The following FOXN3 variants were observed in gnomAD, a reference collection of about 807,000 sequenced individuals.
The protein encoded by FOXN3 is forkhead box N3.
A neutral mutation model predicts 38.4 loss-of-function variants in FOXN3; 7 were observed. The observed-to-expected ratio is 0.18, with a 90% CI of 0.10 to 0.34. The LOEUF is 0.34. Among genes scored for constraint, FOXN3 ranks in the 10% least tolerant of loss-of-function variants. The pLI, the probability that FOXN3 is intolerant of heterozygous loss-of-function variation, is 1.00. For synonymous variants in FOXN3, 230 were observed against 242.2 expected (o/e 0.95, Z 0.47); for missense variants, 456 against 613.4 (o/e 0.74, Z 2.71).
intron 4 of FOXN3, among the ~76,000 whole-genome samples, chr14:89,227,329 A>G (rs1386420613): frequency 6.6e-6 from 1 of 152,234 alleles, no homozygotes; most frequent in South Asian, 2.1e-4. Flanking sequence ...AAACCGTAAC[A>G]CATGTTCACA....
intron 1 of FOXN3, among the ~76,000 whole-genome samples, chr14:89,549,273 T>TA (rs11307365): frequency 0.038 from 5,099 of 133,362 alleles, 276 homozygotes; most frequent in African/African-American, 0.12. Flanking sequence ...TCCTTATCTG[T>TA]AAAAAAAAAA....
At chr14:89,586,727 T>G (rs750800209) in intron 1 of FOXN3, among the ~76,000 whole-genome samples, 3 of 152,178 alleles carry the variant, frequency 2.0e-5, no homozygotes, top group Non-Finnish European at 4.4e-5. Flanking sequence ...CTGACAAACC[T>G]CAGATTCTGG....
intron 1 of FOXN3, among the ~76,000 whole-genome samples, chr14:89,490,962 A>T (rs191922773): frequency 4.3e-4 from 65 of 152,170 alleles, no homozygotes; most frequent in African/African-American, 1.5e-3. Context: ...AGTTAAGGAG[A>T]TACACTCCTA....
Position 89,542,150 on chromosome 14 carries a change from A to G in FOXN3, c.-15+76878T>C, listed in dbSNP as rs142110234. 8.9e-3 allele frequency among the ~76,000 whole-genome samples: 1,356 copies of G among 152,264 alleles called. 8 individuals carry two copies. The highest frequency in any genetic ancestry group is 0.011 in the Non-Finnish European group (716 of 68,002). Reference sequence around the variant, plus strand: ...GGAACGCATCCACCCTAAGTACAATACTTGTATATATGGGGAGATGTGCTC... The same window carrying G: ...GGAACGCATCCACCCTAAGTACAATGCTTGTATATATGGGGAGATGTGCTC... On this transcript the variant is annotated intron_variant, in intron 1 of 6. Coordinates refer to the FOXN3 transcript ENST00000345097.
chr14:89,384,870 C>A (rs1890749223), intron 2 of FOXN3, among the ~76,000 whole-genome samples: 1 of 152,174 alleles, frequency 6.6e-6, no homozygotes, highest in Non-Finnish European at 1.5e-5. Flanking sequence ...GCCTTGATGG[C>A]TCTCTGAACT....
intron 4 of FOXN3, 150 bp downstream of exon 4, chr14:89,280,800 A>AT: frequency 6.4e-6 from 4 of 622,358 alleles, no homozygotes; most frequent in Non-Finnish European, 1.1e-5. Flanking sequence ...AACTGGACAA[A>AT]TAGTCCCCAC....
rs1308354941 is a variant in FOXN3 at position 89,511,208 on chromosome 14, TTTC to T, written c.-14-98721_-14-98719del. On this transcript the variant is annotated intron_variant, in intron 1 of 6. Coordinates refer to the FOXN3 transcript ENST00000345097. ...TTCTTTCTTTTCTTTCTTTCTTTTCTTTCTTTCTTTCTTTCTTTCTTTTCTTTC... is the reference window on the plus strand; with the variant it reads ...TTCTTTCTTTTCTTTCTTTCTTTTCTTTTCTTTCTTTCTTTCTTTTCTTTC... Among the ~76,000 whole-genome samples the T allele has an allele frequency of 8.2e-4, 13 of 15,876 alleles. 3 individuals are homozygous for T. Among genetic ancestry groups the T allele is most frequent in the African/African-American group, 1.5e-3 (12 of 7,830 alleles). The allele number at this position is 15,876 out of a possible 152,430, so 10.4% of individuals were successfully genotyped here. A position where few individuals can be genotyped will look rare whatever the true frequency, so the allele number is the denominator to read the frequency against.
chr14:89,589,314 A>C (rs1006441072), intron 1 of FOXN3, among the ~76,000 whole-genome samples: 3 of 152,334 alleles, frequency 2.0e-5, no homozygotes, highest in Admixed American at 2.0e-4. Flanking sequence ...ATTTACCTAC[A>C]GGTGTGAGTC....
chr14:89,487,882 A>G (rs1316580878), intron 1 of FOXN3, among the ~76,000 whole-genome samples: 1 of 152,154 alleles, frequency 6.6e-6, no homozygotes, highest in South Asian at 2.1e-4. Context: ...CATGAAGACA[A>G]TAATAATGGC....
chr14:89,217,750 G>C (rs1303399939), intron 4 of FOXN3, among the ~76,000 whole-genome samples: 1 of 152,162 alleles, frequency 6.6e-6, no homozygotes, highest in African/African-American at 2.4e-5. Context: ...CCACCCATGG[G>C]TCCCAACAAA....
At chr14:89,330,985 C>T (rs1296934907) in intron 3 of FOXN3, among the ~76,000 whole-genome samples, 2 of 152,212 alleles carry the variant, frequency 1.3e-5, no homozygotes, top group East Asian at 1.9e-4. Flanking sequence ...AGAAATGCTA[C>T]GTTGTTCTGT....
chr14:89,252,232 G>A (rs1286217372), intron 4 of FOXN3, among the ~76,000 whole-genome samples: 1 of 152,180 alleles, frequency 6.6e-6, no homozygotes, highest in Non-Finnish European at 1.5e-5. Flanking sequence ...ATAGAGCCAA[G>A]GATTATTAAT....
At chr14:89,406,856 C>T (rs959832965) in intron 2 of FOXN3, among the ~76,000 whole-genome samples, 1 of 152,126 alleles carries the variant, frequency 6.6e-6, no homozygotes, top group African/African-American at 2.4e-5. Flanking sequence ...TTCTACTTCT[C>T]ATTTACAAGT....
chr14:89,536,961 T>G (rs574818548), intron 1 of FOXN3, among the ~76,000 whole-genome samples: 8 of 152,136 alleles, frequency 5.3e-5, no homozygotes, highest in African/African-American at 1.9e-4. Flanking sequence ...GACCCCTTGA[T>G]TATATCTTCT....
intron 4 of FOXN3, among the ~76,000 whole-genome samples, chr14:89,272,709 C>T (rs528701477): frequency 5.9e-5 from 9 of 152,194 alleles, no homozygotes; most frequent in South Asian, 2.1e-4. Context: ...AAAAATTAGC[C>T]GCGCATGGTG....
chr14:89,283,168 G>T (rs1886512367), intron 3 of FOXN3, among the ~76,000 whole-genome samples: 1 of 152,170 alleles, frequency 6.6e-6, no homozygotes, highest in Non-Finnish European at 1.5e-5. Flanking sequence ...CTTTTGGAGG[G>T]TTCCTCAAAA....
At chr14:89,598,767 T>C (rs1896105090) in intron 1 of FOXN3, among the ~76,000 whole-genome samples, 2 of 152,232 alleles carry the variant, frequency 1.3e-5, no homozygotes, top group Non-Finnish European at 2.9e-5. Flanking sequence ...AGATAAGAGG[T>C]ACCCACTCCC....
chr14:89,542,728 T>G (rs957919852), intron 1 of FOXN3, among the ~76,000 whole-genome samples: 6 of 152,354 alleles, frequency 3.9e-5, no homozygotes, highest in African/African-American at 1.4e-4. Context: ...TGCCATTTCA[T>G]TAATTGGCAT....
chr14:89,184,393 C>T (rs978803332), intron 4 of FOXN3, among the ~76,000 whole-genome samples: 1 of 152,184 alleles, frequency 6.6e-6, no homozygotes, highest in African/African-American at 2.4e-5. Context: ...AAGAAAAGCA[C>T]CCCTGGGGAG....
Sources: gnomAD v4.1 joint callset for allele counts (sites outside exome capture counted in the v4.1 genomes callset) on GRCh38, gnomAD v4.1.1 for gene constraint, MANE v1.5 for transcripts, NCBI Gene and HGNC (gene_info 2026-07-23, HGNC 2026-07-21) for gene names.